The following SHANK2 variants were observed in gnomAD, a reference collection of about 807,000 sequenced individuals.
SHANK2 encodes SH3 and multiple ankyrin repeat domains protein 2.
In SHANK2, 43 loss-of-function variants were observed where a neutral mutation model predicts 133.7. The observed-to-expected ratio is 0.32, with a 90% CI of 0.25 to 0.41. SHANK2 has a LOEUF of 0.41. Ranked by LOEUF, SHANK2 falls within the 10% of genes least tolerant of loss-of-function variation. The pLI, the probability that SHANK2 is intolerant of heterozygous loss-of-function variation, is 1.00. For synonymous variants in SHANK2, 1,017 were observed against 952.8 expected, an observed-to-expected ratio of 1.07 and a Z score of -1.24; for missense variants, 1,994 against 2,235.8, an observed-to-expected ratio of 0.89 and a Z score of 2.18.
intron 14 of SHANK2, among the ~76,000 whole-genome samples, chr11:70,745,769 C>T (rs919111466): frequency 3.9e-5 from 6 of 152,200 alleles, no homozygotes; most frequent in African/African-American, 9.7e-5. Flanking sequence ...CTAGGTCACC[C>T]GCCGCCTTGG....
At chr11:70,757,626 C>T (rs1043260494) in intron 14 of SHANK2, among the ~76,000 whole-genome samples, 6 of 152,178 alleles carry the variant, frequency 3.9e-5, no homozygotes, top group Admixed American at 1.3e-4. Flanking sequence ...TGCATTTTTT[C>T]CTAGTGGGTG....
At chr11:70,841,647 G>A (rs1261700067) in intron 11 of SHANK2, among the ~76,000 whole-genome samples, 1 of 152,182 alleles carries the variant, frequency 6.6e-6, no homozygotes, top group East Asian at 1.9e-4. Flanking sequence ...CTGTTGGAAG[G>A]TCCGGGGCCC....
chr11:70,632,037 C>T (rs1436345085), intron 17 of SHANK2: 1 of 152,252 alleles, frequency 6.6e-6, no homozygotes, highest in Non-Finnish European at 1.5e-5. Flanking sequence ...TGGAAAGGTT[C>T]ACTCTGTTCT....
chr11:70,599,418 T>C (rs545123711), intron 17 of SHANK2, among the ~76,000 whole-genome samples: 11,547 of 123,646 alleles, frequency 0.093, 715 homozygotes, highest in East Asian at 0.21. Context: ...CCATCCTGGC[T>C]AACACGGTGA....
intron 15 of SHANK2, among the ~76,000 whole-genome samples, chr11:70,682,004 C>T (rs1237425992): frequency 2.6e-5 from 4 of 152,100 alleles, no homozygotes; most frequent in African/African-American, 4.8e-5. Flanking sequence ...CAAGGGGCTG[C>T]GGCTTTTCCC....
chr11:70,776,155 G>A (rs1229264742), intron 14 of SHANK2, among the ~76,000 whole-genome samples: 1 of 152,216 alleles, frequency 6.6e-6, no homozygotes, highest in Non-Finnish European at 1.5e-5. Flanking sequence ...TCCACTGCAT[G>A]TACTGGGAGC....
At chr11:70,798,201 C>T (rs1333540939) in intron 14 of SHANK2, among the ~76,000 whole-genome samples, 2 of 152,280 alleles carry the variant, frequency 1.3e-5, no homozygotes, top group Admixed American at 6.5e-5. Flanking sequence ...TTTTCTGGGA[C>T]GTGTACTGAG....
intron 3 of SHANK2, among the ~76,000 whole-genome samples, chr11:71,143,450 C>G (rs1176062306): frequency 6.6e-6 from 1 of 152,210 alleles, no homozygotes; most frequent in Non-Finnish European, 1.5e-5. Flanking sequence ...GCGCGGGTTC[C>G]CACGGGAGGT....
intron 14 of SHANK2, among the ~76,000 whole-genome samples, chr11:70,738,830 T>C (rs551038316): frequency 6.6e-6 from 1 of 152,260 alleles, no homozygotes; most frequent in East Asian, 1.9e-4. Flanking sequence ...GCAAACCACC[T>C]CACGGCCTCC....
intron 11 of SHANK2, among the ~76,000 whole-genome samples, chr11:70,889,951 C>T (rs782717698): frequency 2.0e-5 from 3 of 152,242 alleles, no homozygotes; most frequent in Admixed American, 6.5e-5. Context: ...AGAGAAGCAA[C>T]GTGTGTGGAA....
Position 71,072,792 on chromosome 11 carries a change from A to G in SHANK2, c.1029+2367T>C, listed in dbSNP as rs930912267. ...AACATTGCACTCAGTGAAATCAGCC[A>G]GACACCAAAGGACAAACACTTTATG... On this transcript the variant is annotated intron_variant, in intron 9 of 25. Transcript: ENST00000601538. Among the ~76,000 whole-genome samples, 129 of 152,324 alleles carry G rather than the reference A, an allele frequency of 8.5e-4. 1 individual carries two copies. Among genetic ancestry groups the G allele is most frequent in the Non-Finnish European group, 1.1e-3 (73 of 68,032 alleles).
chr11:71,118,926 T>G lies in SHANK2; in HGVS notation c.314A>C (p.Gln105Pro), dbSNP rs782285873. 3 of 1,551,784 alleles carry G rather than the reference T, an allele frequency of 1.9e-6. No homozygotes were observed. The highest frequency in any genetic ancestry group is 2.6e-6 in the Non-Finnish European group (3 of 1,147,014). The stretch of plus-strand genomic sequence containing the variant: ...GCCGTCACGCCCATTGCTGGCCGGC[T>G]GGAACAGGCCGTAGTTCAGGACATC... The part of the protein sequence containing the change: ...LKDVLNYGLF[Q>P]PASNGRDGKF... The change falls in exon 4 of 26, where the codon CAG becomes CCG. Residue 105 changes from glutamine to proline, a missense_variant. Gln to Pro is a moderately conservative substitution (Grantham distance 76, BLOSUM62 -1). Transcript: ENST00000601538.
intron 14 of SHANK2, among the ~76,000 whole-genome samples, chr11:70,730,925 C>T (rs1946277755): frequency 6.6e-6 from 1 of 150,638 alleles, no homozygotes; most frequent in South Asian, 2.1e-4. Context: ...ATCCACAATG[C>T]TGTGCAACCA....
rs140170695 is a variant in SHANK2, at chr11:70,833,211, C to T, written c.1175-12529G>A. On this transcript the variant is annotated intron_variant, in intron 11 of 25. Transcript: ENST00000601538. Reference sequence around the variant, plus strand: ...CAGCACAATGTCAAGCTCCTGCCAGCGCCTCTGACTGTGCACAGCACCAGG... The same window carrying T: ...CAGCACAATGTCAAGCTCCTGCCAGTGCCTCTGACTGTGCACAGCACCAGG... 7.9e-5 allele frequency among the ~76,000 whole-genome samples: 12 copies of T among 152,380 alleles called. No homozygotes were observed. In the South Asian group the frequency reaches 1.9e-3, roughly 24 times the overall value.
intron 10 of SHANK2, among the ~76,000 whole-genome samples, chr11:70,912,535 C>T (rs970626018): frequency 6.6e-6 from 1 of 152,156 alleles, no homozygotes; most frequent in Admixed American, 6.5e-5. Flanking sequence ...CTTACTGTCA[C>T]CATGTAAGAA....
At chr11:70,518,703 C>T (rs1197072866) in intron 17 of SHANK2, among the ~76,000 whole-genome samples, 1 of 152,212 alleles carries the variant, frequency 6.6e-6, no homozygotes, top group East Asian at 1.9e-4. Flanking sequence ...ACGCCAGGAG[C>T]CCCGGCACAG....
At chr11:71,133,962 G>T (rs1372592826) in intron 3 of SHANK2, among the ~76,000 whole-genome samples, 3 of 146,200 alleles carry the variant, frequency 2.1e-5, no homozygotes, top group East Asian at 4.0e-4. Context: ...GTCTCATTAC[G>T]TTGCCCAGGT....
intron 10 of SHANK2, among the ~76,000 whole-genome samples, chr11:70,900,136 A>G (rs1950002988): frequency 6.6e-6 from 1 of 152,176 alleles, no homozygotes; most frequent in South Asian, 2.1e-4. Flanking sequence ...CAGGCGGATC[A>G]CTAGGTCAAG....
intron 17 of SHANK2, among the ~76,000 whole-genome samples, chr11:70,594,291 G>C (rs933633585): frequency 4.6e-5 from 7 of 152,194 alleles, no homozygotes; most frequent in African/African-American, 1.7e-4. Context: ...ATCGCGTTAC[G>C]TGAGTCCACA....
Sources: gnomAD v4.1 joint callset for allele counts (sites outside exome capture counted in the v4.1 genomes callset) on GRCh38, gnomAD v4.1.1 for gene constraint, MANE v1.5 for transcripts, NCBI Gene and HGNC (gene_info 2026-07-23, HGNC 2026-07-21) for gene names.